The following DNAAF10 variants were observed in gnomAD, a reference collection of about 807,000 sequenced individuals.
The protein encoded by DNAAF10 is dynein axonemal assembly factor 10.
DNAAF10 carries 28 observed loss-of-function variants against 43.7 expected under a neutral mutation model. That is an observed-to-expected ratio of 0.64 (90% CI 0.48 to 0.88). The LOEUF is 0.88. Ranked by LOEUF, DNAAF10 falls within the 40% of genes least tolerant of loss-of-function variation. The pLI is 0.00. For synonymous variants in DNAAF10, 156 were observed against 157.3 expected (o/e 0.99, Z 0.06); for missense variants, 403 against 439.1 (o/e 0.92, Z 0.73).
At chr2:68,147,397 A>G in intron 2 of DNAAF10, 70 bp downstream of exon 2, 1 of 1,131,420 alleles carries the variant, frequency 8.8e-7, no homozygotes, top group Non-Finnish European at 1.3e-6. Context: ...TCTCTTTCAG[A>G]GAAAGAGTAA....
At chr2:68,133,104 GAAC>G (rs931063200) in intron 7 of DNAAF10, among the ~76,000 whole-genome samples, 7 of 152,204 alleles carry the variant, frequency 4.6e-5, no homozygotes, top group African/African-American at 1.4e-4. Context: ...AATCAGGGAA[GAAC>G]AACAGGCAGA....
chr2:68,144,714 T>G lies in DNAAF10; in HGVS notation c.286A>C (p.Asn96His). The change falls in exon 3 of 8, where the codon AAT becomes CAT. Residue 96 changes from asparagine (N) to histidine (H), a missense_variant and splice_region_variant. Transcript: ENST00000295121. ...GDFGGNLHIW[N>H]LEAPEMPVYS... ...ACTGGCATCTCTGGAGCTTCTAAAT[T>G]CCTAAACAACAAACACAGCTTCTTA... The G allele has an allele frequency of 6.2e-7, 1 of 1,608,356 alleles. No homozygotes were observed. Among genetic ancestry groups the G allele is most frequent in the Non-Finnish European group, 8.5e-7 (1 of 1,178,812 alleles).
At chr2:68,136,395 T>C (rs1000869793) in intron 6 of DNAAF10, among the ~76,000 whole-genome samples, 7 of 152,184 alleles carry the variant, frequency 4.6e-5, no homozygotes, top group Non-Finnish European at 1.0e-4. Context: ...ACCAATATTA[T>C]AATTTATAGC....
intron 3 of DNAAF10, among the ~76,000 whole-genome samples, chr2:68,142,272 T>TC (rs1343537056): frequency 1.3e-4 from 20 of 152,138 alleles, no homozygotes; most frequent in African/African-American, 3.4e-4. Context: ...TTTCTTTCTT[T>TC]TGTTTTGAGA....
At chr2:68,155,944 A>C (rs924031601) in intron 1 of DNAAF10, among the ~76,000 whole-genome samples, 4 of 151,954 alleles carry the variant, frequency 2.6e-5, no homozygotes, top group Admixed American at 6.6e-5. Flanking sequence ...CAAAATAAAA[A>C]ATAAAAAAAT....
chr2:68,151,372 C>T (rs1673453054), intron 1 of DNAAF10, among the ~76,000 whole-genome samples: 1 of 152,194 alleles, frequency 6.6e-6, no homozygotes, highest in Non-Finnish European at 1.5e-5. Flanking sequence ...ATGCCTCTAT[C>T]CTTCTCTTCA....
intron 1 of DNAAF10, 138 bp from the exon 2 acceptor site, chr2:68,147,705 A>G: frequency 1.7e-6 from 1 of 577,510 alleles, no homozygotes; most frequent in South Asian, 3.3e-5. Context: ...TCTGATGAAA[A>G]TAATCTTGCT....
intron 5 of DNAAF10, 149 bp from the exon 6 acceptor site, chr2:68,137,582 T>G: frequency 1.1e-6 from 1 of 873,398 alleles, no homozygotes; most frequent in Non-Finnish European, 1.6e-6. Context: ...TAAAAATTTT[T>G]TTCCAGCCAG....
intron 5 of DNAAF10, 63 bp downstream of exon 5, chr2:68,138,679 A>T (rs767628786): frequency 2.9e-5 from 35 of 1,218,054 alleles, no homozygotes; most frequent in Non-Finnish European, 4.1e-5. Context: ...TTCCTTTTGT[A>T]ATAGTTCAGA....
At chr2:68,136,220 G>GAAAA (rs1164483365) in intron 6 of DNAAF10, among the ~76,000 whole-genome samples, 4 of 52,652 alleles carry the variant, frequency 7.6e-5, no homozygotes, top group African/African-American at 1.7e-4. Context: ...TCTGTCTCCA[G>GAAAA]AAAAAAAAAA....
At chr2:68,138,181 A>G (rs190390792) in intron 5 of DNAAF10, among the ~76,000 whole-genome samples, 3,657 of 144,870 alleles carry the variant, frequency 0.025, 74 homozygotes, top group Non-Finnish European at 0.035. Context: ...TCTCAAAACA[A>G]ACAAACAAAC....
In DNAAF10 at chr2:68,142,368, G is replaced by A. The variant is rs571389811; in HGVS notation, c.416-573C>T. Among the ~76,000 whole-genome samples, 8 of 152,054 alleles carry A rather than the reference G, an allele frequency of 5.3e-5. No individual in the cohort carries two copies. The South Asian group carries it at 1.5e-3, about 28-fold the overall frequency. On this transcript the variant is annotated intron_variant, in intron 3 of 7. Coordinates refer to ENST00000295121, the MANE Select transcript of DNAAF10 (RefSeq NM_138458.4). ...GCCTCCTGGGTTTAAGCGATTCTCC[G>A]TCCTCAGCCTCCCAAGTAGCTGGGA...
At chr2:68,153,300 C>T (rs1379785716) in intron 1 of DNAAF10, among the ~76,000 whole-genome samples, 1 of 139,584 alleles carries the variant, frequency 7.2e-6, no homozygotes, top group East Asian at 2.1e-4. Flanking sequence ...TACATCTTTT[C>T]TTCTTAGATG....
At chr2:68,152,313 C>A (rs574892047) in intron 1 of DNAAF10, among the ~76,000 whole-genome samples, 1 of 152,172 alleles carries the variant, frequency 6.6e-6, no homozygotes, top group Non-Finnish European at 1.5e-5. Flanking sequence ...ATATCTTCAA[C>A]GTATTAAACG....
rs1438139588 is a variant in DNAAF10 at position 68,138,725 on chromosome 2, C to G, written c.633+17G>C. ...AACATGCTCAGAGAAACCAAAAAGC[C>G]TCAGAATGTACTTTACCCCATTTTT... On this transcript the variant is annotated intron_variant, in intron 5 of 7. Coordinates refer to ENST00000295121, the MANE Select transcript of DNAAF10 (RefSeq NM_138458.4). The G allele has an allele frequency of 1.8e-5, 28 of 1,579,904 alleles. No individual in the cohort carries two copies. The highest frequency in any genetic ancestry group is 2.4e-5 in the Non-Finnish European group (28 of 1,149,218).
At position 68,137,307 on chromosome 2, in the gene DNAAF10, A is replaced by C. The variant is rs773656828; in HGVS notation, c.760T>G (p.Ser254Ala). ...QHPTKGFASVSEKAHKSTVWQ... is the reference protein window; with the variant it reads ...QHPTKGFASVAEKAHKSTVWQ... ...ATTTCCCTCATATTTACCTTTTCTG[A>C]AACAGAGGCAAAACCTTTGGTTGGA... Residue 254 changes from serine to alanine, a missense_variant, in exon 6 of 8, where the codon TCA becomes GCA. Ser to Ala is a moderately conservative substitution (Grantham distance 99). Coordinates refer to ENST00000295121, the MANE Select transcript of DNAAF10 (RefSeq NM_138458.4). 1 of 1,610,148 alleles carries C rather than the reference A, an allele frequency of 6.2e-7. No individual in the cohort carries two copies. Among genetic ancestry groups the C allele is most frequent in the South Asian group, 1.1e-5 (1 of 90,270 alleles).
chr2:68,133,522 G>A (rs1672968643), intron 7 of DNAAF10, among the ~76,000 whole-genome samples: 1 of 152,156 alleles, frequency 6.6e-6, no homozygotes, highest in Non-Finnish European at 1.5e-5. Flanking sequence ...GGAGGCCGAG[G>A]CAGGTGAATC....
intron 5 of DNAAF10, among the ~76,000 whole-genome samples, chr2:68,137,736 G>A (rs988004100): frequency 5.3e-5 from 8 of 151,684 alleles, no homozygotes; most frequent in South Asian, 2.1e-4. Context: ...GCGTGGTGGC[G>A]TGCGCCTGTA....
chr2:68,146,709 ATATGT>A (rs1327856695), intron 2 of DNAAF10, among the ~76,000 whole-genome samples: 3 of 152,172 alleles, frequency 2.0e-5, no homozygotes, highest in Non-Finnish European at 4.4e-5. Context: ...AGACAGATAA[ATATGT>A]TATAAGTAAT....
Sources: allele counts gnomAD v4.1 joint callset (sites outside exome capture counted in the v4.1 genomes callset), GRCh38; gene constraint gnomAD v4.1.1; transcripts MANE v1.5; gene names NCBI Gene and HGNC (gene_info 2026-07-23, HGNC 2026-07-21).